SPATA13: variants seen among roughly 807,000 people sequenced by gnomAD.
SPATA13 encodes spermatogenesis associated 13.
SPATA13 carries 50 observed loss-of-function variants against 104.0 expected under a neutral mutation model. The observed-to-expected ratio is 0.48, with a 90% CI of 0.38 to 0.61. SPATA13 has a LOEUF of 0.61. SPATA13 is among the 20% of genes least tolerant of loss of function. The pLI is 0.00. For synonymous variants in SPATA13, 606 were observed against 667.5 expected (o/e 0.91, Z 1.42); for missense variants, 1,524 against 1,690.6 (o/e 0.90, Z 1.73).
At chr13:24,175,812 TCCCACAG>T (rs1868403444) in intron 1 of SPATA13, among the ~76,000 whole-genome samples, 1 of 152,204 alleles carries the variant, frequency 6.6e-6, no homozygotes, top group South Asian at 2.1e-4. Flanking sequence ...ATTTTTCTTC[TCCCACAG>T]GAGAGAAACT....
intron 1 of SPATA13, among the ~76,000 whole-genome samples, chr13:24,169,992 G>A (rs146634470): frequency 3.6e-4 from 55 of 152,282 alleles, no homozygotes; most frequent in African/African-American, 1.2e-3. Flanking sequence ...TAAATGTGAC[G>A]TCTTCATACA....
intron 3 of SPATA13, among the ~76,000 whole-genome samples, chr13:24,118,018 A>G (rs1880908075): frequency 1.3e-5 from 2 of 152,208 alleles, no homozygotes; most frequent in African/African-American, 2.4e-5. Context: ...AGTGTGTACT[A>G]TGTTTTTCTG....
Position 24,284,126 on chromosome 13 carries a change from A to G in SPATA13, c.2165-9A>G. The G allele has an allele frequency of 2.5e-6, 4 of 1,599,138 alleles. No homozygotes were observed. Among genetic ancestry groups the G allele is most frequent in the Non-Finnish European group, 3.4e-6 (4 of 1,169,790 alleles). ...CTTTTAAATCATGCCTTTGTTTTGT[A>G]TGTTTTAGTTTCTTCAGATGGAGGT... On this transcript the variant is annotated splice_polypyrimidine_tract_variant and intron_variant, in intron 4 of 12. Transcript: ENST00000382108.
At chr13:24,278,010 G>A (rs1402853711) in intron 4 of SPATA13, among the ~76,000 whole-genome samples, 1 of 152,158 alleles carries the variant, frequency 6.6e-6, no homozygotes, top group Non-Finnish European at 1.5e-5. Flanking sequence ...GGTGGTGAAG[G>A]GAAAAGGATA....
intron 3 of SPATA13, among the ~76,000 whole-genome samples, chr13:24,031,740 T>C (rs1877491227): frequency 6.6e-6 from 1 of 152,156 alleles, no homozygotes; most frequent in Admixed American, 6.5e-5. Context: ...CCTTAAACAA[T>C]CCTCAGTCAA....
chr13:24,204,879 T>C (rs1257577126), intron 1 of SPATA13, among the ~76,000 whole-genome samples: 1 of 152,226 alleles, frequency 6.6e-6, no homozygotes, highest in African/African-American at 2.4e-5. Flanking sequence ...TTTCTGCCTG[T>C]TGGCTGTTGT....
chr13:24,094,245 T>C (rs1017376640), intron 3 of SPATA13, among the ~76,000 whole-genome samples: 8 of 152,216 alleles, frequency 5.3e-5, no homozygotes, highest in African/African-American at 1.7e-4. Flanking sequence ...TCCTGAGGAC[T>C]TTGGCGAGAA....
chr13:23,998,874 A>T (rs549053456), intron 2 of SPATA13, among the ~76,000 whole-genome samples: 1 of 150,618 alleles, frequency 6.6e-6, no homozygotes, highest in African/African-American at 2.4e-5. Flanking sequence ...TTAAAAATCA[A>T]TTGGCTTTAT....
intron 3 of SPATA13, among the ~76,000 whole-genome samples, chr13:24,113,743 G>A (rs903834827): frequency 1.3e-5 from 2 of 151,664 alleles, no homozygotes; most frequent in Non-Finnish European, 2.9e-5. Flanking sequence ...GGTGGTGCAT[G>A]CCTATAATCC....
intron 2 of SPATA13, among the ~76,000 whole-genome samples, chr13:24,004,935 A>G (rs1383029321): frequency 1.3e-5 from 2 of 152,312 alleles, no homozygotes; most frequent in African/African-American, 4.8e-5. Flanking sequence ...TTATCATCAC[A>G]ATCTATTTAC....
intron 2 of SPATA13, among the ~76,000 whole-genome samples, chr13:24,000,210 C>T (rs1483417993): frequency 6.6e-6 from 1 of 152,206 alleles, no homozygotes; most frequent in Non-Finnish European, 1.5e-5. Flanking sequence ...TGAAAGAGAA[C>T]AACAGAGGGC....
chr13:24,213,269 T>C (rs539455580), intron 1 of SPATA13, among the ~76,000 whole-genome samples: 1 of 152,214 alleles, frequency 6.6e-6, no homozygotes, highest in Non-Finnish European at 1.5e-5. Context: ...GGTCTTTTTT[T>C]GTTTGTTTTT....
intron 3 of SPATA13, chr13:24,122,495 C>T (rs1881065955): frequency 6.2e-7 from 1 of 1,608,216 alleles, no homozygotes; most frequent in Admixed American, 1.7e-5. Flanking sequence ...TCTTGCCCAT[C>T]TTCATCAATA....
At chr13:24,139,161 T>A (rs1040759592) in intron 3 of SPATA13, among the ~76,000 whole-genome samples, 2 of 152,152 alleles carry the variant, frequency 1.3e-5, no homozygotes, top group Non-Finnish European at 2.9e-5. Flanking sequence ...TACACACGCA[T>A]CATTCCAGTC....
chr13:24,177,740 G>C lies in SPATA13; in HGVS notation c.-112+16808G>C, dbSNP rs1868520584. Among the ~76,000 whole-genome samples, 3 of 151,426 alleles carry C rather than the reference G, an allele frequency of 2.0e-5. No individual in the cohort carries two copies. The South Asian group carries it at 6.3e-4, about 32-fold the overall frequency. Reference sequence around the variant, plus strand: ...GTGTTGGGGTTACAGGCATGAGCCTGGCCATTGGGCCTTTTTAATAAGGGC... The same window carrying C: ...GTGTTGGGGTTACAGGCATGAGCCTCGCCATTGGGCCTTTTTAATAAGGGC... On this transcript the variant is annotated intron_variant, in intron 1 of 12. Transcript: ENST00000382108.
At chr13:24,197,112 T>C (rs79104809) in intron 1 of SPATA13, among the ~76,000 whole-genome samples, 192 of 152,352 alleles carry the variant, frequency 1.3e-3, no homozygotes, top group Middle Eastern at 3.4e-3. Context: ...TTCCAGTTTT[T>C]ATTATGTTTC....
At chr13:24,064,090 C>T (rs561238386) in intron 3 of SPATA13, among the ~76,000 whole-genome samples, 1 of 152,340 alleles carries the variant, frequency 6.6e-6, no homozygotes, top group African/African-American at 2.4e-5. Context: ...ACCCTTCCAG[C>T]ACTTTCTCTT....
Position 24,222,748 on chromosome 13 carries a change from CTCT to C in SPATA13, c.-111-64_-111-62del, listed in dbSNP as rs982841841. On this transcript the variant is annotated intron_variant, in intron 1 of 12. Transcript: ENST00000382108. Reference sequence around the variant, plus strand: ...TGACCAGCCCTGTGCTGGAGCGTGCCTCTTCTTCTGTGAGCAGAGGGGCTACTG... The same window carrying C: ...TGACCAGCCCTGTGCTGGAGCGTGCCTCTTCTGTGAGCAGAGGGGCTACTG... 25 of 1,358,892 alleles carry C rather than the reference CTCT, an allele frequency of 1.8e-5. No individual in the cohort carries two copies. In the East Asian group the frequency reaches 4.1e-4, roughly 22 times the overall value. 84.2% of individuals were successfully genotyped at this position (1,358,892 alleles called of 1,614,324 possible).
rs565663295 is a variant in SPATA13 at position 24,303,046 on chromosome 13, C to A, written c.*273C>A. 28 of 492,748 alleles carry A rather than the reference C, an allele frequency of 5.7e-5. 1 individual carries two copies. The highest frequency in any genetic ancestry group is 5.6e-4 in the South Asian group (27 of 47,954). 30.5% of individuals were successfully genotyped at this position (492,748 alleles called of 1,614,324 possible). On this transcript the variant is annotated 3_prime_UTR_variant, in exon 13 of 13. Transcript: ENST00000382108. ...ATGGCCCAGATGTGGGACCCGGTAC[C>A]ATGCTCTAAAGCGAGTGATTAGGCA...
Sources: gnomAD v4.1 joint callset for allele counts (sites outside exome capture counted in the v4.1 genomes callset) on GRCh38, gnomAD v4.1.1 for gene constraint, MANE v1.5 for transcripts, NCBI Gene and HGNC (gene_info 2026-07-23, HGNC 2026-07-21) for gene names.